Variants in CEP112 observed in about 807,000 individuals in gnomAD.
CEP112 encodes the protein centrosomal protein 112.
In CEP112, 127 loss-of-function variants were observed where a neutral mutation model predicts 153.0. That is an observed-to-expected ratio of 0.83 (90% CI 0.72 to 0.96). The LOEUF (loss-of-function observed/expected upper bound fraction) is 0.96. Among genes scored for constraint, CEP112 ranks in the 40% least tolerant of loss-of-function variants. CEP112 has a pLI of 0.00. For synonymous variants in CEP112, 358 were observed against 374.4 expected (o/e 0.96, Z 0.51); for missense variants, 1,089 against 1,101.2 (o/e 0.99, Z 0.16).
chr17:65,813,692 C>T (rs530054875), intron 21 of CEP112, among the ~76,000 whole-genome samples: 7 of 152,040 alleles, frequency 4.6e-5, no homozygotes, highest in South Asian at 4.1e-4. Flanking sequence ...AGATAAGGTG[C>T]GTGAAAGTGC....
At chr17:65,838,071 C>T (rs1442954264) in intron 21 of CEP112, among the ~76,000 whole-genome samples, 3 of 150,748 alleles carry the variant, frequency 2.0e-5, no homozygotes, top group Non-Finnish European at 2.9e-5. Context: ...AAGAAACACC[C>T]AAGAATGATC....
chr17:65,865,247 G>T (rs537582870), intron 20 of CEP112, among the ~76,000 whole-genome samples: 31 of 152,086 alleles, frequency 2.0e-4, no homozygotes, highest in African/African-American at 7.0e-4. Flanking sequence ...TTGCCATGTT[G>T]CCCAGGATGG....
In CEP112 at chr17:65,968,434, G is replaced by T. The variant is rs193027037; in HGVS notation, c.1737-6836C>A. 3.3e-5 allele frequency among the ~76,000 whole-genome samples: 5 copies of T among 152,214 alleles called. No homozygotes were observed. In the East Asian group the frequency reaches 9.6e-4, roughly 29 times the overall value. On this transcript the variant is annotated intron_variant, in intron 17 of 26. Transcript: ENST00000535342. ...AATTTTCTATTTATCAAATATAAAT[G>T]TAATATTTATCATGTGACAGAAGCT... is the stretch of plus-strand genomic sequence containing the variant.
chr17:65,892,738 A>G (rs1350974853), intron 20 of CEP112, among the ~76,000 whole-genome samples: 1 of 152,068 alleles, frequency 6.6e-6, no homozygotes. Context: ...ATAATTGAAG[A>G]GCAAAAGTTT....
At chr17:65,946,132 C>G (rs1308228670) in intron 18 of CEP112, among the ~76,000 whole-genome samples, 2 of 152,122 alleles carry the variant, frequency 1.3e-5, no homozygotes, top group African/African-American at 2.4e-5. Context: ...CCTGGAGTGC[C>G]CTTTCACCTT....
At chr17:66,052,569 G>A (rs1276521902) in intron 12 of CEP112, among the ~76,000 whole-genome samples, 3 of 152,060 alleles carry the variant, frequency 2.0e-5, no homozygotes, top group East Asian at 3.9e-4. Flanking sequence ...CAGTGTCACA[G>A]GTCTCTCTGC....
At chr17:65,962,750 G>A (rs1017190667) in intron 17 of CEP112, among the ~76,000 whole-genome samples, 1 of 151,754 alleles carries the variant, frequency 6.6e-6, no homozygotes, top group East Asian at 1.9e-4. Flanking sequence ...GAGATCTGAT[G>A]GTTTTAACAA....
intron 24 of CEP112, among the ~76,000 whole-genome samples, chr17:65,677,416 T>C (rs574733011): frequency 6.6e-6 from 1 of 152,334 alleles, no homozygotes; most frequent in Admixed American, 6.5e-5. Flanking sequence ...TTCAATAAGT[T>C]ACATGCATTT....
At chr17:65,703,879 G>A (rs2048770008) in intron 23 of CEP112, among the ~76,000 whole-genome samples, 1 of 151,538 alleles carries the variant, frequency 6.6e-6, no homozygotes, top group Non-Finnish European at 1.5e-5. Context: ...TGATTCCGAA[G>A]GCTTCCCTAT....
intron 11 of CEP112, among the ~76,000 whole-genome samples, chr17:66,060,577 A>G (rs1302295857): frequency 6.6e-6 from 1 of 152,194 alleles, no homozygotes; most frequent in Non-Finnish European, 1.5e-5. Flanking sequence ...ATAAAACAGC[A>G]TGAAGCACCC....
chr17:66,004,787 T>C (rs2064203948), intron 17 of CEP112, among the ~76,000 whole-genome samples: 3 of 152,232 alleles, frequency 2.0e-5, no homozygotes, highest in Admixed American at 2.0e-4. Flanking sequence ...ATCTTGGGTA[T>C]TCTTTTTGGC....
At chr17:66,078,419 G>A (rs549031672) in intron 8 of CEP112, among the ~76,000 whole-genome samples, 2 of 151,754 alleles carry the variant, frequency 1.3e-5, no homozygotes, top group African/African-American at 4.8e-5. Flanking sequence ...CACCACGCCC[G>A]GCTAATTTTT....
intron 23 of CEP112, among the ~76,000 whole-genome samples, chr17:65,703,644 T>C (rs923761107): frequency 1.3e-5 from 2 of 149,024 alleles, no homozygotes; most frequent in East Asian, 3.9e-4. Context: ...TTGCCACCAA[T>C]GGGCCCAGCT....
chr17:66,140,560 A>G (rs1454459233), intron 4 of CEP112, among the ~76,000 whole-genome samples: 2 of 152,218 alleles, frequency 1.3e-5, no homozygotes, highest in Non-Finnish European at 2.9e-5. Context: ...AAATGAATTC[A>G]GTAAAATTTC....
chr17:65,937,258 C>T (rs1343695143), intron 18 of CEP112, among the ~76,000 whole-genome samples: 2 of 112,138 alleles, frequency 1.8e-5, no homozygotes, highest in African/African-American at 3.1e-5. Context: ...AAGTGAGGAG[C>T]GTCTCTGCCT....
intron 17 of CEP112, among the ~76,000 whole-genome samples, chr17:65,979,605 A>C (rs1314405854): frequency 6.6e-6 from 1 of 152,160 alleles, no homozygotes; most frequent in Non-Finnish European, 1.5e-5. Flanking sequence ...ATATCAATAC[A>C]AAACTGAATA....
chr17:66,029,962 C>A lies in CEP112; in HGVS notation c.1280G>T (p.Ser427Ile). The A allele has an allele frequency of 6.2e-7, 1 of 1,613,872 alleles. No homozygotes were observed. Among genetic ancestry groups the A allele is most frequent in the Non-Finnish European group, 8.5e-7 (1 of 1,179,830 alleles). Reference protein sequence around the residue: ...VQQLTGEAENSNLQRQKLIQE... With the variant: ...VQQLTGEAENINLQRQKLIQE... Reference sequence around the variant, plus strand: ...AATTAATTTCTGCCTCTGTAAATTACTGTTCTCTGCTTCTCCAGTCAGCTG... The same window carrying A: ...AATTAATTTCTGCCTCTGTAAATTAATGTTCTCTGCTTCTCCAGTCAGCTG... The change falls in exon 13 of 27, where the codon AGT (serine) becomes ATT (isoleucine). Residue 427 changes from serine (S) to isoleucine (I), a missense_variant. By Grantham distance (142) the Ser-to-Ile change is moderately radical. Transcript: ENST00000535342.
At chr17:65,820,038 A>G (rs1225016901) in intron 21 of CEP112, among the ~76,000 whole-genome samples, 7 of 152,124 alleles carry the variant, frequency 4.6e-5, no homozygotes, top group Non-Finnish European at 1.0e-4. Context: ...TGGGTGAAGG[A>G]CATATGGCAA....
chr17:65,660,214 T>G (rs2046277263), intron 24 of CEP112, among the ~76,000 whole-genome samples: 1 of 112,096 alleles, frequency 8.9e-6, no homozygotes. Flanking sequence ...CTTCTTTCCT[T>G]CCCTCCCTCC....
Sources: allele counts gnomAD v4.1 joint callset (sites outside exome capture counted in the v4.1 genomes callset), GRCh38; gene constraint gnomAD v4.1.1; transcripts MANE v1.5; gene names NCBI Gene and HGNC (gene_info 2026-07-23, HGNC 2026-07-21).